SLC35F1: variants seen among roughly 807,000 people sequenced by gnomAD.
SLC35F1 encodes the protein solute carrier family 35 member F1, also known as chromosome 6 open reading frame 169.
Under a neutral mutation model 48.7 loss-of-function variants are expected in SLC35F1, and 14 were observed. The observed-to-expected ratio is 0.29, with a 90% CI of 0.19 to 0.45. SLC35F1 has a LOEUF of 0.45. Among genes scored for constraint, SLC35F1 ranks in the 20% least tolerant of loss-of-function variants. The probability of loss-of-function intolerance (pLI) is 1.00; values close to 1 mark genes in which losing one functional copy is unlikely to be tolerated. For missense variants in SLC35F1, 404 were observed against 500.0 expected (o/e 0.81, Z 1.83); for synonymous variants, 190 against 202.2 (o/e 0.94, Z 0.51).
At chr6:118,219,913 C>CA (rs1431853847) in intron 2 of SLC35F1, among the ~76,000 whole-genome samples, 2 of 152,050 alleles carry the variant, frequency 1.3e-5, no homozygotes, top group African/African-American at 4.8e-5. Context: ...CAAACTATCG[C>CA]AGGGACAGAA....
rs139088554 is a variant in SLC35F1, at chr6:118,268,600, A to AT, written c.637+1473dup. Among the ~76,000 whole-genome samples, 200 of 87,886 alleles carry AT rather than the reference A, an allele frequency of 2.3e-3. 20 individuals carry two copies. Among genetic ancestry groups the AT allele is most frequent in the East Asian group, 9.3e-3 (28 of 3,024 alleles). The allele number at this position is 87,886 out of a possible 152,430, so 57.7% of individuals were successfully genotyped here. A position where few individuals can be genotyped will look rare whatever the true frequency, so the allele number is the denominator to read the frequency against. ...CATATATATGTATATATATATATATATTTTTTTTTTTTTTTTTTTTTTTTT... is the reference window on the plus strand; with the variant it reads ...CATATATATGTATATATATATATATATTTTTTTTTTTTTTTTTTTTTTTTTT... On this transcript the variant is annotated intron_variant, in intron 4 of 7. Coordinates refer to ENST00000360388, the MANE Select transcript of SLC35F1 (RefSeq NM_001029858.4).
At chr6:118,062,815 A>G (rs1299676395) in intron 1 of SLC35F1, among the ~76,000 whole-genome samples, 1 of 152,206 alleles carries the variant, frequency 6.6e-6, no homozygotes, top group Admixed American at 6.5e-5. Flanking sequence ...AATTGGATAA[A>G]AAGTGAAAAT....
chr6:118,256,023 T>C (rs775097162), intron 3 of SLC35F1, among the ~76,000 whole-genome samples: 4 of 152,026 alleles, frequency 2.6e-5, no homozygotes, highest in Non-Finnish European at 2.9e-5. Flanking sequence ...CCAAAAAAGT[T>C]TGTTCCAGAT....
At chr6:118,293,108 T>C (rs1292446394) in intron 7 of SLC35F1, among the ~76,000 whole-genome samples, 1 of 152,194 alleles carries the variant, frequency 6.6e-6, no homozygotes, top group Non-Finnish European at 1.5e-5. Flanking sequence ...GTCTGAGGTC[T>C]ATCATCTTAT....
chr6:118,136,341 T>A (rs1398259552), intron 1 of SLC35F1, among the ~76,000 whole-genome samples: 1 of 152,256 alleles, frequency 6.6e-6, no homozygotes. Flanking sequence ...GACATAAAGT[T>A]GTCCCTACAG....
intron 1 of SLC35F1, among the ~76,000 whole-genome samples, chr6:118,013,849 T>C (rs1045843062): frequency 5.3e-5 from 8 of 152,272 alleles, no homozygotes; most frequent in Admixed American, 6.5e-5. Context: ...ATGCTTTTTT[T>C]CCCCCACTTA....
chr6:118,111,646 A>G (rs1002053168), intron 1 of SLC35F1, among the ~76,000 whole-genome samples: 1 of 152,192 alleles, frequency 6.6e-6, no homozygotes, highest in Non-Finnish European at 1.5e-5. Context: ...GATCTACGTA[A>G]AGGAAGAGAA....
chr6:118,091,453 C>T (rs1773072049), intron 1 of SLC35F1, among the ~76,000 whole-genome samples: 1 of 152,236 alleles, frequency 6.6e-6, no homozygotes, highest in Admixed American at 6.5e-5. Context: ...CCCCTGCACA[C>T]ACTTTCTTGC....
chr6:117,946,944 G>T (rs1314731717), intron 1 of SLC35F1, among the ~76,000 whole-genome samples: 1 of 152,120 alleles, frequency 6.6e-6, no homozygotes, highest in Admixed American at 6.5e-5. Context: ...CACATTTTTA[G>T]GTTTTGAGAA....
At chr6:118,098,160 A>T (rs575127636) in intron 1 of SLC35F1, among the ~76,000 whole-genome samples, 37 of 152,370 alleles carry the variant, frequency 2.4e-4, no homozygotes, top group African/African-American at 8.7e-4. Flanking sequence ...ACAATTGTAT[A>T]GGTGTTTGCA....
chr6:118,078,236 A>G lies in SLC35F1; in HGVS notation c.174-76209A>G, dbSNP rs553272143. Among the ~76,000 whole-genome samples, 6 of 152,362 alleles carry G rather than the reference A, an allele frequency of 3.9e-5. No individual in the cohort carries two copies. The South Asian group carries it at 1.0e-3, about 26-fold the overall frequency. On this transcript the variant is annotated intron_variant, in intron 1 of 7. Coordinates refer to ENST00000360388, the MANE Select transcript of SLC35F1 (RefSeq NM_001029858.4). Reference sequence around the variant, plus strand: ...CGTAAGGCAAAAAGTACGTTCCCACATAGAGGCAGCTCGAGTTGAATACAA... The same window carrying G: ...CGTAAGGCAAAAAGTACGTTCCCACGTAGAGGCAGCTCGAGTTGAATACAA...
chr6:118,226,505 C>CAA (rs1554238059), intron 2 of SLC35F1, among the ~76,000 whole-genome samples: 1 of 151,886 alleles, frequency 6.6e-6, no homozygotes, highest in African/African-American at 2.4e-5. Context: ...CACACACACA[C>CAA]AATGGAATAT....
intron 1 of SLC35F1, among the ~76,000 whole-genome samples, chr6:117,939,918 G>T (rs1776207799): frequency 6.6e-6 from 1 of 152,160 alleles, no homozygotes; most frequent in Non-Finnish European, 1.5e-5. Flanking sequence ...CTATAGCCCT[G>T]TGGCCCAGCA....
Position 118,173,500 on chromosome 6 carries a change from A to G in SLC35F1, c.349+18880A>G, listed in dbSNP as rs561278489. Among the ~76,000 whole-genome samples, 9 of 152,228 alleles carry G rather than the reference A, an allele frequency of 5.9e-5. No individual in the cohort carries two copies. In the South Asian group the frequency reaches 1.9e-3, roughly 32 times the overall value. ...AGGACCTCAGCCACAAGGCAGGTCT[A>G]CATATACCTGCAAACTCTGTTCCAT... is the stretch of plus-strand genomic sequence containing the variant. On this transcript the variant is annotated intron_variant, in intron 2 of 7. Transcript: ENST00000360388.
chr6:118,089,919 A>C (rs2114341127), intron 1 of SLC35F1, among the ~76,000 whole-genome samples: 1 of 152,342 alleles, frequency 6.6e-6, no homozygotes, highest in Admixed American at 6.5e-5. Flanking sequence ...CAAAGCCGAA[A>C]AGCTATAATG....
At chr6:118,313,078 A>G (rs1355110093) in intron 7 of SLC35F1, among the ~76,000 whole-genome samples, 1 of 152,212 alleles carries the variant, frequency 6.6e-6, no homozygotes, top group Non-Finnish European at 1.5e-5. Context: ...GTAGGCATCA[A>G]CATATTTTTC....
At position 117,907,828 on chromosome 6, in the gene SLC35F1, C is replaced by T. The variant is rs1447757081; in HGVS notation, c.102C>T (p.Ser34=). 3.3e-6 allele frequency: 5 copies of T among 1,532,130 alleles called. No individual in the cohort carries two copies. The highest frequency in any genetic ancestry group is 1.4e-5 in the African/African-American group (1 of 70,002). The allele number at this position is 1,532,130 out of a possible 1,614,324, so 94.9% of individuals were successfully genotyped here. A position where few individuals can be genotyped will look rare whatever the true frequency, so the allele number is the denominator to read the frequency against. The change falls in exon 1 of 8, where the codon AGC becomes AGT. Residue 34 remains serine (S), a synonymous_variant. Transcript: ENST00000360388. ...TTIENLPAEG[S]GGGGSLSASS... is the part of the protein sequence containing the mutation. ...TCGAGAACCTGCCGGCCGAGGGCAG[C>T]GGCGGCGGCGGGAGCCTGTCCGCCT...
At chr6:118,032,994 A>G (rs1772076301) in intron 1 of SLC35F1, among the ~76,000 whole-genome samples, 1 of 152,138 alleles carries the variant, frequency 6.6e-6, no homozygotes, top group African/African-American at 2.4e-5. Context: ...TTAATCTTGC[A>G]TCTTTTTTCT....
At chr6:117,922,553 C>T (rs890331519) in intron 1 of SLC35F1, among the ~76,000 whole-genome samples, 2 of 152,078 alleles carry the variant, frequency 1.3e-5, no homozygotes, top group Admixed American at 1.3e-4. Context: ...TTTGCTACAT[C>T]GTTAAGTATA....
Sources: allele counts gnomAD v4.1 joint callset (sites outside exome capture counted in the v4.1 genomes callset), GRCh38; gene constraint gnomAD v4.1.1; transcripts MANE v1.5; gene names NCBI Gene and HGNC (gene_info 2026-07-23, HGNC 2026-07-21).